Variants in EPAS1 observed in about 807,000 individuals in gnomAD.
EPAS1 encodes the protein endothelial PAS domain protein 1, also known as endothelial PAS domain-containing protein 1.
EPAS1 carries 23 observed loss-of-function variants against 87.9 expected under a neutral mutation model. The ratio of observed to expected loss-of-function variants is 0.26; its 90% CI spans 0.19 to 0.37. The LOEUF is 0.37. Ranked by LOEUF, EPAS1 falls within the 10% of genes least tolerant of loss-of-function variation. The pLI, the probability that EPAS1 is intolerant of heterozygous loss-of-function variation, is 1.00. For missense variants in EPAS1, 1,138 were observed against 1,120.7 expected (o/e 1.02, Z -0.22); for synonymous variants, 508 against 444.3 (o/e 1.14, Z -1.80).
rs1442374232 is a variant in EPAS1 at position 46,300,853 on chromosome 2, A to G, written c.26+2916A>G. 1.3e-5 allele frequency among the ~76,000 whole-genome samples: 2 copies of G among 151,938 alleles called. No homozygotes were observed. The highest frequency in any genetic ancestry group is 2.9e-5 in the Non-Finnish European group (2 of 67,986). On this transcript the variant is annotated intron_variant, in intron 1 of 15. Transcript: ENST00000263734. The surrounding 1 kb of genome is among the most constrained non-coding windows in gnomAD (Gnocchi z 4.1). The stretch of plus-strand genomic sequence containing the variant: ...GGAATTGGAGACACCTGGATCTCCA[A>G]TCTCCCCCTCCTTCTGACAGCTGGA...
At chr2:46,349,533 C>T (rs370706704) in intron 2 of EPAS1, among the ~76,000 whole-genome samples, 30 of 152,340 alleles carry the variant, frequency 2.0e-4, no homozygotes, top group East Asian at 7.7e-4. Context: ...TGGCTGGGCT[C>T]GGCCCTAGAC....
chr2:46,331,714 T>C (rs1683677669), intron 1 of EPAS1, among the ~76,000 whole-genome samples: 1 of 152,200 alleles, frequency 6.6e-6, no homozygotes, highest in Admixed American at 6.5e-5. Flanking sequence ...CTTTTCTTTC[T>C]ACCAACCGGC....
At chr2:46,341,930 T>C (rs1276562111) in intron 1 of EPAS1, among the ~76,000 whole-genome samples, 1 of 152,202 alleles carries the variant, frequency 6.6e-6, no homozygotes, top group Non-Finnish European at 1.5e-5. Context: ...AAAGGTGACA[T>C]AGCTGTTTGC....
Position 46,360,736 on chromosome 2 carries a change from C to A in EPAS1, c.553C>A (p.Leu185Ile). 6.2e-7 allele frequency: 1 copy of A among 1,614,048 alleles called. No individual in the cohort carries two copies. Among genetic ancestry groups the A allele is most frequent in the East Asian group, 2.2e-5 (1 of 44,882 alleles). ...TVTNRGRTVNLKSATWKVLHC... is the reference protein window; with the variant it reads ...TVTNRGRTVNIKSATWKVLHC... ...CACCAACAGAGGCCGTACTGTCAAC[C>A]TCAAGTCAGCCACCTGGAAGGTAGG... The change falls in exon 5 of 16, where the codon CTC (leucine) becomes ATC (isoleucine). Residue 185 changes from leucine to isoleucine, a missense_variant. By Grantham distance (5) the Leu-to-Ile change is conservative. Transcript: ENST00000263734. The surrounding 1 kb of genome is among the most constrained non-coding windows in gnomAD (Gnocchi z 4.5).
rs368603111 is a variant in EPAS1 at position 46,346,683 on chromosome 2, C to G, written c.27-190C>G. 9.8e-5 allele frequency among the ~76,000 whole-genome samples: 15 copies of G among 152,312 alleles called. No individual in the cohort carries two copies. The East Asian group carries it at 2.1e-3, about 22-fold the overall frequency. ...AGGAGGACTTTGGTTGTGAAGACAC[C>G]AACACACACAAAAGCAGAGCTAACA... On this transcript the variant is annotated intron_variant, in intron 1 of 15. Coordinates refer to ENST00000263734, the MANE Select transcript of EPAS1 (RefSeq NM_001430.5). The surrounding 1 kb of genome is among the most constrained non-coding windows in gnomAD (Gnocchi z 4.0).
At chr2:46,351,743 G>A (rs1035160758) in intron 2 of EPAS1, among the ~76,000 whole-genome samples, 1 of 152,310 alleles carries the variant, frequency 6.6e-6, no homozygotes, top group African/African-American at 2.4e-5. Flanking sequence ...GGAACTTCTC[G>A]GAGTAGGAAA....
chr2:46,378,831 C>T, intron 11 of EPAS1, 64 bp downstream of exon 11: 7 of 1,399,636 alleles, frequency 5.0e-6, no homozygotes, highest in Non-Finnish European at 7.1e-6. Flanking sequence ...CAAAGGCTCA[C>T]ATCCATTCTT....
intron 1 of EPAS1, among the ~76,000 whole-genome samples, chr2:46,329,375 AG>A (rs772253851): frequency 2.6e-5 from 4 of 152,134 alleles, no homozygotes; most frequent in Non-Finnish European, 4.4e-5. Flanking sequence ...ATTTATGGTA[AG>A]GGGAGGCCTA....
At chr2:46,320,461 A>G (rs563064921) in intron 1 of EPAS1, among the ~76,000 whole-genome samples, 5 of 152,376 alleles carry the variant, frequency 3.3e-5, no homozygotes, top group African/African-American at 1.2e-4. Context: ...CCGCTTGCAG[A>G]TGACTTTTGC....
intron 2 of EPAS1, among the ~76,000 whole-genome samples, chr2:46,352,525 G>A (rs1684190057): frequency 6.6e-6 from 1 of 152,190 alleles, no homozygotes; most frequent in South Asian, 2.1e-4. Flanking sequence ...GTACGTCAGG[G>A]AAGACACGAT....
rs575742900 is a variant in EPAS1, at chr2:46,318,762, CATTA to C, written c.26+20830_26+20833del. Among the ~76,000 whole-genome samples the C allele has an allele frequency of 3.3e-5, 5 of 152,278 alleles. No homozygotes were observed. The South Asian group carries it at 6.2e-4, about 19-fold the overall frequency. Reference sequence around the variant, plus strand: ...CATGACGTGTCTTCCCTAAATTCAACATTAATTATTAGTTATTAATAGTATTAAT... The same window carrying C: ...CATGACGTGTCTTCCCTAAATTCAACATTATTAGTTATTAATAGTATTAAT... On this transcript the variant is annotated intron_variant, in intron 1 of 15. Coordinates refer to ENST00000263734, the MANE Select transcript of EPAS1 (RefSeq NM_001430.5).
chr2:46,379,842 G>T, intron 11 of EPAS1: 1 of 324,998 alleles, frequency 3.1e-6, no homozygotes, highest in South Asian at 3.1e-5. Context: ...GCCACAGTGT[G>T]CACCACAGGC....
At chr2:46,370,010 C>A in intron 7 of EPAS1, 77 bp downstream of exon 7, 1 of 1,060,970 alleles carries the variant, frequency 9.4e-7, no homozygotes, top group Non-Finnish European at 1.4e-6. Flanking sequence ...ACTGGTGAGA[C>A]AGAAGACCAG....
chr2:46,315,461 A>C (rs1260091995), intron 1 of EPAS1, among the ~76,000 whole-genome samples: 1 of 152,226 alleles, frequency 6.6e-6, no homozygotes, highest in African/African-American at 2.4e-5. Flanking sequence ...CATCAGGTAC[A>C]TCAAGTTCTG....
intron 1 of EPAS1, among the ~76,000 whole-genome samples, chr2:46,328,777 A>G (rs1036217914): frequency 1.3e-5 from 2 of 152,224 alleles, no homozygotes; most frequent in Non-Finnish European, 2.9e-5. Context: ...GAAATGTACA[A>G]TATCTTCCCA....
chr2:46,297,946 G>A lies in EPAS1; in HGVS notation c.26+9G>A, dbSNP rs755523025. The A allele has an allele frequency of 1.9e-6, 3 of 1,612,208 alleles. No homozygotes were observed. Among genetic ancestry groups the A allele is most frequent in the Middle Eastern group, 1.7e-4 (1 of 5,954 alleles). On this transcript the variant is annotated intron_variant, in intron 1 of 15. Transcript: ENST00000263734. ...GACAAGGAGAAGAAAAGGTAAGCGG[G>A]CGTCCGGGCCGATCAGGGGGCCGGT...
intron 1 of EPAS1, among the ~76,000 whole-genome samples, chr2:46,311,102 T>A (rs772234603): frequency 1.3e-5 from 2 of 152,124 alleles, no homozygotes; most frequent in Non-Finnish European, 1.5e-5. Flanking sequence ...ATGGTCTCGA[T>A]CTCCTGACCT....
In EPAS1 at chr2:46,356,133, ACCC is replaced by A; in HGVS notation, c.218-10_218-8del. ...ACTCCACATTCATGCAAGCTGTCCC[ACCC>A]CCCCCCCTTTCCAGTTTGCTCTGAA... is the stretch of plus-strand genomic sequence containing the variant. On this transcript the variant is annotated splice_polypyrimidine_tract_variant and intron_variant, in intron 2 of 15. Transcript: ENST00000263734. 1.2e-4 allele frequency: 149 copies of A among 1,217,572 alleles called. No homozygotes were observed. Among genetic ancestry groups the A allele is most frequent in the Non-Finnish European group, 1.6e-4 (143 of 867,014 alleles). 75.4% of individuals were successfully genotyped at this position (1,217,572 alleles called of 1,614,324 possible).
At chr2:46,311,781 T>C (rs996598038) in intron 1 of EPAS1, among the ~76,000 whole-genome samples, 2 of 152,202 alleles carry the variant, frequency 1.3e-5, no homozygotes, top group Non-Finnish European at 2.9e-5. Context: ...TAGTGAGATG[T>C]TGAGACATGG....
Sources: gnomAD v4.1 joint callset for allele counts (sites outside exome capture counted in the v4.1 genomes callset) on GRCh38, gnomAD v4.1.1 for gene constraint, Gnocchi (gnomAD v3.1) non-coding constraint, MANE v1.5 for transcripts, NCBI Gene and HGNC (gene_info 2026-07-23, HGNC 2026-07-21) for gene names.